Variants in CCDC3 observed in about 807,000 individuals in gnomAD.
CCDC3 encodes coiled-coil domain containing 3, also known as coiled-coil domain-containing protein 3.
CCDC3 carries 24 observed loss-of-function variants against 21.4 expected under a neutral mutation model. The ratio of observed to expected loss-of-function variants is 1.12; its 90% CI spans 0.81 to 1.58. CCDC3 has a LOEUF of 1.58. Ranked by LOEUF, CCDC3 falls within the 40% of genes most tolerant of loss-of-function variation. The pLI, the probability that CCDC3 is intolerant of heterozygous loss-of-function variation, is 0.00. For missense variants in CCDC3, 425 were observed against 360.9 expected (o/e 1.18, Z -1.44); for synonymous variants, 186 against 166.0 (o/e 1.12, Z -0.93).
intron 2 of CCDC3, among the ~76,000 whole-genome samples, chr10:12,938,968 C>A (rs1834779587): frequency 6.6e-6 from 1 of 152,198 alleles, no homozygotes; most frequent in Non-Finnish European, 1.5e-5. Context: ...AATAAATATG[C>A]CAACCCCAGA....
chr10:13,073,023 C>T (rs746556232), intron 4 of CCDC3, among the ~76,000 whole-genome samples: 14 of 151,746 alleles, frequency 9.2e-5, no homozygotes, highest in East Asian at 5.8e-4. Context: ...TGTGCCACCA[C>T]GCCTGGCTAA....
intron 4 of CCDC3, among the ~76,000 whole-genome samples, chr10:13,053,095 C>G (rs1396656770): frequency 1.3e-5 from 2 of 152,012 alleles, no homozygotes; most frequent in Non-Finnish European, 2.9e-5. Context: ...GAGGTGGGGT[C>G]AGGAAAAAGG....
chr10:13,061,933 A>G (rs1157596255), intron 4 of CCDC3, among the ~76,000 whole-genome samples: 2 of 152,094 alleles, frequency 1.3e-5, no homozygotes, highest in African/African-American at 4.8e-5. Context: ...AGATCTAGCT[A>G]TGTTAACAGA....
intron 2 of CCDC3, among the ~76,000 whole-genome samples, chr10:12,916,739 G>T (rs898294650): frequency 6.6e-6 from 1 of 152,226 alleles, no homozygotes; most frequent in Non-Finnish European, 1.5e-5. Context: ...CCGGAAGTAA[G>T]CCTGAAGTCT....
chr10:13,030,873 T>G (rs1157516409), intron 5 of CCDC3, among the ~76,000 whole-genome samples: 1 of 152,244 alleles, frequency 6.6e-6, no homozygotes, highest in East Asian at 1.9e-4. Flanking sequence ...CAAAGAGACT[T>G]AGACTCCCAC....
chr10:12,923,403 CTT>C (rs1435896996), intron 2 of CCDC3, among the ~76,000 whole-genome samples: 2 of 152,160 alleles, frequency 1.3e-5, no homozygotes, highest in Admixed American at 1.3e-4. Context: ...ACTTCTGAGT[CTT>C]TATTCTGCTG....
At chr10:12,907,490 G>C (rs4619047) in intron 2 of CCDC3, among the ~76,000 whole-genome samples, 129,073 of 151,988 alleles carry the variant, frequency 0.85, 54,979 homozygotes, top group East Asian at 1. Flanking sequence ...ACTAAAAATA[G>C]AAAAATTAGC....
chr10:12,970,464 A>C (rs1835324449), intron 2 of CCDC3, among the ~76,000 whole-genome samples: 1 of 152,238 alleles, frequency 6.6e-6, no homozygotes, highest in African/African-American at 2.4e-5. Flanking sequence ...CAAAAAAATA[A>C]GTTTGTGAGG....
chr10:12,941,157 C>A (rs1251959441), intron 2 of CCDC3, among the ~76,000 whole-genome samples: 3 of 152,198 alleles, frequency 2.0e-5, no homozygotes, highest in Non-Finnish European at 2.9e-5. Context: ...CGGCTAAAAC[C>A]AACGTGGTGA....
chr10:13,087,790 T>C (rs1177016695), intron 3 of CCDC3, among the ~76,000 whole-genome samples: 1 of 152,106 alleles, frequency 6.6e-6, no homozygotes, highest in East Asian at 1.9e-4. Context: ...CGCTTTCCTA[T>C]GTACTCTGCA....
chr10:13,081,732 A>G (rs552055209), intron 3 of CCDC3, among the ~76,000 whole-genome samples: 2 of 152,234 alleles, frequency 1.3e-5, no homozygotes, highest in Non-Finnish European at 2.9e-5. Flanking sequence ...TAAAAAACCT[A>G]AGGCAAACAA....
At chr10:12,949,810 T>A (rs1382350684) in intron 2 of CCDC3, among the ~76,000 whole-genome samples, 1 of 152,202 alleles carries the variant, frequency 6.6e-6, no homozygotes, top group African/African-American at 2.4e-5. Context: ...CAATCATGAC[T>A]TCTAAGGAAG....
chr10:12,975,923 G>C (rs1050620984), intron 2 of CCDC3, among the ~76,000 whole-genome samples: 1 of 152,156 alleles, frequency 6.6e-6, no homozygotes, highest in African/African-American at 2.4e-5. Context: ...CCAAGACCCT[G>C]GCTCCAAGAC....
intron 4 of CCDC3, among the ~76,000 whole-genome samples, chr10:13,070,234 A>G (rs1041655895): frequency 6.6e-5 from 10 of 152,194 alleles, no homozygotes; most frequent in African/African-American, 2.2e-4. Flanking sequence ...AATTTGGAGT[A>G]TATTTGTCTC....
chr10:13,083,172 T>C (rs1035041377), intron 3 of CCDC3, among the ~76,000 whole-genome samples: 2 of 152,138 alleles, frequency 1.3e-5, no homozygotes, highest in East Asian at 3.9e-4. Context: ...CAAGCAGATG[T>C]ATGGTAGTAT....
chr10:13,011,195 A>AC (rs1053580127), intron 5 of CCDC3, among the ~76,000 whole-genome samples: 2 of 151,446 alleles, frequency 1.3e-5, no homozygotes, highest in Non-Finnish European at 2.9e-5. Context: ...GAAAAAAAAA[A>AC]AAAAACCTGT....
At chr10:12,986,444 T>G (rs1835591593) in intron 2 of CCDC3, among the ~76,000 whole-genome samples, 1 of 152,188 alleles carries the variant, frequency 6.6e-6, no homozygotes, top group Non-Finnish European at 1.5e-5. Context: ...CCTGTGAATC[T>G]AAGATTATTC....
At chr10:12,985,969 G>A (rs969136946) in intron 2 of CCDC3, among the ~76,000 whole-genome samples, 1 of 152,130 alleles carries the variant, frequency 6.6e-6, no homozygotes, top group Non-Finnish European at 1.5e-5. Context: ...TCCGCCTCCC[G>A]GGTTCACGCC....
intron 5 of CCDC3, among the ~76,000 whole-genome samples, chr10:13,038,123 C>T (rs534401162): frequency 1.3e-5 from 2 of 152,154 alleles, no homozygotes; most frequent in South Asian, 4.2e-4. Context: ...AACCAAATAC[C>T]ACATATTCTC....
Sources: allele counts gnomAD v4.1 joint callset (sites outside exome capture counted in the v4.1 genomes callset), GRCh38; gene constraint gnomAD v4.1.1; transcripts MANE v1.5; gene names NCBI Gene and HGNC (gene_info 2026-07-23, HGNC 2026-07-21).